Variants in PHACTR1 observed in about 807,000 individuals in gnomAD.
The protein encoded by PHACTR1 is phosphatase and actin regulator 1.
PHACTR1 carries 16 observed loss-of-function variants against 69.2 expected under a neutral mutation model. The ratio of observed to expected loss-of-function variants is 0.23; its 90% CI spans 0.16 to 0.35. PHACTR1 has a LOEUF of 0.35. Ranked by LOEUF, PHACTR1 falls within the 10% of genes least tolerant of loss-of-function variation. PHACTR1 has a pLI of 1.00. For synonymous variants in PHACTR1, 312 were observed against 284.5 expected (o/e 1.10, Z -0.97); for missense variants, 510 against 734.7 (o/e 0.69, Z 3.54).
chr6:13,276,686 C>T (rs923897763), intron 11 of PHACTR1, among the ~76,000 whole-genome samples: 21 of 152,016 alleles, frequency 1.4e-4, no homozygotes, highest in Admixed American at 1.0e-3. Flanking sequence ...GCAGGAGAAT[C>T]GCTTGAACTT....
chr6:12,809,144 T>A (rs1774730451), intron 4 of PHACTR1, among the ~76,000 whole-genome samples: 1 of 152,160 alleles, frequency 6.6e-6, no homozygotes, highest in Non-Finnish European at 1.5e-5. Flanking sequence ...TGCCTCAGCA[T>A]CCCGAAGTGC....
chr6:12,858,296 C>T (rs751435745), intron 4 of PHACTR1, among the ~76,000 whole-genome samples: 33 of 152,116 alleles, frequency 2.2e-4, no homozygotes, highest in African/African-American at 7.5e-4. Context: ...CGGAGGCTGA[C>T]GCTTGCTGAT....
chr6:13,232,830 A>T (rs1278180028), intron 10 of PHACTR1, among the ~76,000 whole-genome samples: 1 of 152,148 alleles, frequency 6.6e-6, no homozygotes, highest in East Asian at 1.9e-4. Flanking sequence ...TCCTCTAGGG[A>T]ATCAGAAAAA....
At chr6:12,874,721 A>T (rs1782373139) in intron 4 of PHACTR1, among the ~76,000 whole-genome samples, 1 of 152,192 alleles carries the variant, frequency 6.6e-6, no homozygotes, top group Admixed American at 6.5e-5. Flanking sequence ...AGAAGAACAA[A>T]TTCAGTGGGT....
At chr6:12,975,769 A>G (rs1344036080) in intron 4 of PHACTR1, among the ~76,000 whole-genome samples, 1 of 152,124 alleles carries the variant, frequency 6.6e-6, no homozygotes, top group Non-Finnish European at 1.5e-5. Flanking sequence ...TTTTGTAGAG[A>G]CAGAATCTCA....
At chr6:13,236,023 A>C (rs1486112891) in intron 10 of PHACTR1, among the ~76,000 whole-genome samples, 1 of 151,218 alleles carries the variant, frequency 6.6e-6, no homozygotes, top group South Asian at 2.1e-4. Flanking sequence ...TCCCTGACAT[A>C]CTCCTTCCCC....
intron 5 of PHACTR1, among the ~76,000 whole-genome samples, chr6:13,122,555 ATTTG>A (rs1371676418): frequency 1.3e-5 from 2 of 152,228 alleles, no homozygotes; most frequent in African/African-American, 2.4e-5. Flanking sequence ...AATGAGGGCA[ATTTG>A]TTTGTCAAAC....
At chr6:12,911,480 C>T (rs1203013716) in intron 4 of PHACTR1, among the ~76,000 whole-genome samples, 1 of 152,158 alleles carries the variant, frequency 6.6e-6, no homozygotes, top group Non-Finnish European at 1.5e-5. Context: ...TCTAGCTTTT[C>T]TGTGAACTTG....
At chr6:13,238,143 G>A (rs957678120) in intron 10 of PHACTR1, among the ~76,000 whole-genome samples, 10 of 152,212 alleles carry the variant, frequency 6.6e-5, no homozygotes, top group Admixed American at 2.6e-4. Context: ...TGGTGAAGTA[G>A]CGTCACTGCT....
chr6:13,218,787 A>G (rs1584008419), intron 8 of PHACTR1, among the ~76,000 whole-genome samples: 1 of 149,988 alleles, frequency 6.7e-6, no homozygotes, highest in African/African-American at 2.5e-5. Context: ...GAAGAAGAAG[A>G]AGAAGGAGGA....
chr6:12,948,780 TACTC>T (rs2127550695), intron 4 of PHACTR1, among the ~76,000 whole-genome samples: 1 of 152,358 alleles, frequency 6.6e-6, no homozygotes, highest in Admixed American at 6.5e-5. Context: ...CACATGCACT[TACTC>T]AAAGTTGCTC....
At position 12,773,118 on chromosome 6, in the gene PHACTR1, T is replaced by C. The variant is rs191715029; in HGVS notation, c.250+23328T>C. ...GCACACAGCAGAAGTATCTCTTTTG[T>C]AGAAGTGGCAGCCAGTCATTGGTGT... On this transcript the variant is annotated intron_variant, in intron 4 of 14. Transcript: ENST00000332995. Among the ~76,000 whole-genome samples, 7 of 152,350 alleles carry C rather than the reference T, an allele frequency of 4.6e-5. No individual in the cohort carries two copies. The East Asian group carries it at 1.3e-3, about 29-fold the overall frequency.
chr6:12,990,758 G>A (rs1796729184), intron 4 of PHACTR1, among the ~76,000 whole-genome samples: 1 of 152,202 alleles, frequency 6.6e-6, no homozygotes, highest in Non-Finnish European at 1.5e-5. Context: ...TTTGAAAGGT[G>A]ATGAATGCAG....
intron 5 of PHACTR1, among the ~76,000 whole-genome samples, chr6:13,099,619 C>T (rs1814827114): frequency 2.0e-5 from 3 of 152,170 alleles, no homozygotes; most frequent in Non-Finnish European, 4.4e-5. Flanking sequence ...GGTGTATACC[C>T]TTTTACCTCT....
At chr6:12,883,981 C>T (rs965444641) in intron 4 of PHACTR1, among the ~76,000 whole-genome samples, 26 of 151,960 alleles carry the variant, frequency 1.7e-4, no homozygotes, top group Admixed American at 6.6e-5. Flanking sequence ...CCCACATACA[C>T]ACACATACAC....
intron 3 of PHACTR1, among the ~76,000 whole-genome samples, chr6:12,741,980 T>C (rs1765109171): frequency 6.6e-6 from 1 of 152,216 alleles, no homozygotes; most frequent in Non-Finnish European, 1.5e-5. Flanking sequence ...CTTATCTTTT[T>C]TAAAATTTAT....
At chr6:12,754,725 C>A (rs569032527) in intron 4 of PHACTR1, among the ~76,000 whole-genome samples, 15 of 152,282 alleles carry the variant, frequency 9.9e-5, no homozygotes, top group African/African-American at 3.6e-4. Context: ...TTCAACCAAC[C>A]AGGGATGGGA....
At chr6:13,071,587 C>T (rs903514801) in intron 5 of PHACTR1, among the ~76,000 whole-genome samples, 1 of 152,166 alleles carries the variant, frequency 6.6e-6, no homozygotes, top group Non-Finnish European at 1.5e-5. Context: ...GAAGTCAGAG[C>T]GCTAATGATG....
At chr6:13,229,807 A>G (rs1382653081) in intron 9 of PHACTR1, among the ~76,000 whole-genome samples, 1 of 152,050 alleles carries the variant, frequency 6.6e-6, no homozygotes, top group African/African-American at 2.4e-5. Context: ...ATTCCTGGAG[A>G]GCAGAGACCC....
Sources: gnomAD v4.1 joint callset for allele counts (sites outside exome capture counted in the v4.1 genomes callset) on GRCh38, gnomAD v4.1.1 for gene constraint, MANE v1.5 for transcripts, NCBI Gene and HGNC (gene_info 2026-07-23, HGNC 2026-07-21) for gene names.